The following HIVEP3 variants were observed in gnomAD, a reference collection of about 807,000 sequenced individuals.
HIVEP3 encodes HIVEP zinc finger 3.
A neutral mutation model predicts 152.8 loss-of-function variants in HIVEP3; 49 were observed. The observed-to-expected ratio is 0.32, with a 90% CI of 0.26 to 0.41. HIVEP3 has a LOEUF of 0.41. Ranked by LOEUF, HIVEP3 falls within the 10% of genes least tolerant of loss-of-function variation. HIVEP3 has a pLI of 1.00. For missense variants in HIVEP3, 2,790 were observed against 3,103.3 expected (o/e 0.90, Z 2.40); for synonymous variants, 1,269 against 1,289.0 (o/e 0.98, Z 0.33).
chr1:41,590,147 A>G (rs1644565887), intron 3 of HIVEP3, among the ~76,000 whole-genome samples: 1 of 152,242 alleles, frequency 6.6e-6, no homozygotes. Flanking sequence ...TGGTGGCAAA[A>G]CAAGCCAGAT....
intron 1 of HIVEP3, among the ~76,000 whole-genome samples, chr1:41,931,237 G>A (rs1644994400): frequency 6.6e-6 from 1 of 151,826 alleles, no homozygotes; most frequent in Non-Finnish European, 1.5e-5. Flanking sequence ...ATGTATTGTA[G>A]TTTCATCTTT....
chr1:41,522,188 G>T (rs369899869), intron 6 of HIVEP3, among the ~76,000 whole-genome samples: 1 of 152,166 alleles, frequency 6.6e-6, no homozygotes, highest in African/African-American at 2.4e-5. Context: ...GGCCTGTGTT[G>T]TCTGAGCTGA....
intron 1 of HIVEP3, among the ~76,000 whole-genome samples, chr1:41,724,845 C>A (rs1450768200): frequency 6.6e-6 from 1 of 152,252 alleles, no homozygotes; most frequent in Non-Finnish European, 1.5e-5. Context: ...TAGGCCTGGA[C>A]AAGGCTGAGG....
At chr1:41,855,314 A>T (rs1212997786) in intron 1 of HIVEP3, among the ~76,000 whole-genome samples, 1 of 140,708 alleles carries the variant, frequency 7.1e-6, no homozygotes, top group South Asian at 2.3e-4. Flanking sequence ...TTGGCTGCAT[A>T]AAAAAGCAAT....
intron 1 of HIVEP3, among the ~76,000 whole-genome samples, chr1:41,910,004 A>T (rs1644771555): frequency 6.6e-6 from 1 of 151,990 alleles, no homozygotes; most frequent in Admixed American, 6.5e-5. Flanking sequence ...CCTGAAAATT[A>T]AAAAGCCAAA....
intron 1 of HIVEP3, among the ~76,000 whole-genome samples, chr1:41,817,587 C>T (rs1013825506): frequency 6.6e-6 from 1 of 152,174 alleles, no homozygotes; most frequent in Non-Finnish European, 1.5e-5. Flanking sequence ...GATCCCAGGT[C>T]ACCAGGAGGA....
At chr1:41,693,589 T>C (rs1221554880) in intron 2 of HIVEP3, among the ~76,000 whole-genome samples, 1 of 152,220 alleles carries the variant, frequency 6.6e-6, no homozygotes, top group Non-Finnish European at 1.5e-5. Flanking sequence ...TATGTTGAAA[T>C]ACTTTTCTTA....
chr1:41,841,658 G>A (rs1389826426), intron 1 of HIVEP3, among the ~76,000 whole-genome samples: 1 of 152,212 alleles, frequency 6.6e-6, no homozygotes, highest in African/African-American at 2.4e-5. Context: ...CTTATCAGCA[G>A]GGCCATTTTG....
chr1:41,785,735 G>A (rs529043705), intron 1 of HIVEP3, among the ~76,000 whole-genome samples: 90 of 152,252 alleles, frequency 5.9e-4, no homozygotes, highest in African/African-American at 2.0e-3. Context: ...ACTAGCTCAC[G>A]CCTGTAATCC....
At chr1:41,853,970 T>A (rs1327521081) in intron 1 of HIVEP3, among the ~76,000 whole-genome samples, 1 of 152,112 alleles carries the variant, frequency 6.6e-6, no homozygotes, top group African/African-American at 2.4e-5. Context: ...AGGAGCTGGC[T>A]TTCAAGGGAT....
intron 3 of HIVEP3, among the ~76,000 whole-genome samples, chr1:41,586,745 G>A (rs1644512012): frequency 6.6e-6 from 1 of 152,198 alleles, no homozygotes; most frequent in Non-Finnish European, 1.5e-5. Flanking sequence ...TGCTTTGGAG[G>A]AGCAGGTGAT....
intron 1 of HIVEP3, among the ~76,000 whole-genome samples, chr1:41,816,781 C>T (rs1338356258): frequency 6.6e-6 from 1 of 152,146 alleles, no homozygotes; most frequent in Non-Finnish European, 1.5e-5. Flanking sequence ...TCCTGCAAGC[C>T]CCATGAGAAA....
At chr1:41,810,630 G>A (rs1650899297) in intron 1 of HIVEP3, among the ~76,000 whole-genome samples, 1 of 152,190 alleles carries the variant, frequency 6.6e-6, no homozygotes, top group South Asian at 2.1e-4. Context: ...GCATGCCTCA[G>A]CCCTTTGGAA....
At chr1:41,868,451 CT>C in intron 1 of HIVEP3, among the ~76,000 whole-genome samples, 1 of 152,266 alleles carries the variant, frequency 6.6e-6, no homozygotes, top group Admixed American at 6.5e-5. Context: ...AAGTCCCCTC[CT>C]CCCCCGCCTT....
At chr1:41,547,887 C>G (rs1643843112) in intron 5 of HIVEP3, among the ~76,000 whole-genome samples, 1 of 152,178 alleles carries the variant, frequency 6.6e-6, no homozygotes, top group Non-Finnish European at 1.5e-5. Context: ...AGGCCCCTCC[C>G]AGGCTGCCCA....
intron 7 of HIVEP3, among the ~76,000 whole-genome samples, chr1:41,518,100 C>T (rs1476798833): frequency 6.6e-6 from 1 of 152,242 alleles, no homozygotes; most frequent in Non-Finnish European, 1.5e-5. Context: ...ATTCAGTAAA[C>T]ATTCACTGAG....
intron 1 of HIVEP3, among the ~76,000 whole-genome samples, chr1:41,843,372 T>C (rs1300648743): frequency 6.6e-6 from 1 of 152,094 alleles, no homozygotes; most frequent in Non-Finnish European, 1.5e-5. Flanking sequence ...CCTGGGAAAA[T>C]AGCATAAATC....
At chr1:42,007,636 G>A (rs561013522) in intron 1 of HIVEP3, among the ~76,000 whole-genome samples, 29 of 152,294 alleles carry the variant, frequency 1.9e-4, no homozygotes, top group East Asian at 7.7e-4. Context: ...CAGCAGAGGC[G>A]TCTGGGTGAT....
At chr1:41,864,816 C>T (rs1044717675) in intron 1 of HIVEP3, among the ~76,000 whole-genome samples, 8 of 152,252 alleles carry the variant, frequency 5.3e-5, no homozygotes, top group African/African-American at 9.6e-5. Context: ...AAAGACAGAA[C>T]GACCCACTCT....
Sources: gnomAD v4.1 joint callset for allele counts (sites outside exome capture counted in the v4.1 genomes callset) on GRCh38, gnomAD v4.1.1 for gene constraint, MANE v1.5 for transcripts, NCBI Gene and HGNC (gene_info 2026-07-23, HGNC 2026-07-21) for gene names.